Variants in ESR1 observed in about 807,000 individuals in gnomAD.
ESR1 encodes estrogen receptor.
ESR1 carries 12 observed loss-of-function variants against 52.7 expected under a neutral mutation model. That is an observed-to-expected ratio of 0.23 (90% CI 0.15 to 0.37). ESR1 has a LOEUF of 0.37. ESR1 is among the 10% of genes least tolerant of loss of function. The probability of loss-of-function intolerance (pLI) is 1.00; values close to 1 mark genes in which losing one functional copy is unlikely to be tolerated. For missense variants in ESR1, 584 were observed against 779.7 expected (o/e 0.75, Z 2.99); for synonymous variants, 305 against 316.8 (o/e 0.96, Z 0.39).
intron 1 of ESR1, among the ~76,000 whole-genome samples, chr6:151,699,754 G>A (rs776145077): frequency 2.6e-5 from 4 of 152,158 alleles, no homozygotes; most frequent in Non-Finnish European, 5.9e-5. Flanking sequence ...AGGATTTATG[G>A]TAGATTATAT....
chr6:151,776,794 C>T (rs563048220), intron 2 of ESR1, among the ~76,000 whole-genome samples: 6 of 150,728 alleles, frequency 4.0e-5, no homozygotes, highest in African/African-American at 1.2e-4. Flanking sequence ...GCCGAGATCA[C>T]GCCACTGCAC....
intron 2 of ESR1, among the ~76,000 whole-genome samples, chr6:151,717,413 A>G (rs1416070867): frequency 1.3e-5 from 2 of 152,242 alleles, no homozygotes; most frequent in African/African-American, 2.4e-5. Context: ...AGCAAAGCAT[A>G]GTTGGTTTAT....
rs35960345 is a variant in ESR1, at chr6:151,668,287, C to CT, written n.73+11533dup. Among the ~76,000 whole-genome samples the CT allele has an allele frequency of 3.0e-4, 45 of 149,994 alleles. 1 individual carries two copies. Among genetic ancestry groups the CT allele is most frequent in the Admixed American group, 6.0e-4 (9 of 15,118 alleles). ...AAAAGAGGAAAAACCCTTTTTTTTT[C>CT]TTTTTTTTTGAGATAGAGTCTCGCT... On this transcript the variant is annotated intron_variant and non_coding_transcript_variant, in intron 1 of 2. Coordinates refer to the ESR1 transcript ENST00000473497.
At chr6:151,741,866 A>C (rs1469457740) in intron 2 of ESR1, among the ~76,000 whole-genome samples, 1 of 152,214 alleles carries the variant, frequency 6.6e-6, no homozygotes, top group Non-Finnish European at 1.5e-5. Flanking sequence ...GTTGTAGATT[A>C]AATCTCTAGA....
chr6:151,710,969 G>A (rs762430820), intron 2 of ESR1, among the ~76,000 whole-genome samples: 58 of 152,146 alleles, frequency 3.8e-4, no homozygotes, highest in Non-Finnish European at 6.0e-4. Context: ...ATTTGGGTTG[G>A]TTCCAAGTCT....
intron 4 of ESR1, among the ~76,000 whole-genome samples, chr6:151,946,780 G>C (rs1399948431): frequency 2.0e-5 from 3 of 152,110 alleles, no homozygotes; most frequent in Non-Finnish European, 2.9e-5. Flanking sequence ...AATAAAAATA[G>C]TCATTGATTT....
intron 5 of ESR1, among the ~76,000 whole-genome samples, chr6:152,020,626 T>A (rs1039824292): frequency 6.6e-6 from 1 of 152,010 alleles, no homozygotes; most frequent in Non-Finnish European, 1.5e-5. Flanking sequence ...AATTTTTGCA[T>A]TTTTAGTAGA....
intron 2 of ESR1, among the ~76,000 whole-genome samples, chr6:151,848,826 C>T (rs568423030): frequency 6.6e-6 from 1 of 152,276 alleles, no homozygotes; most frequent in South Asian, 2.1e-4. Flanking sequence ...GAGTTTACAG[C>T]TCTCAGTGTA....
In ESR1 at chr6:152,099,980, G is replaced by A; in HGVS notation, c.*1014G>A. ...GGTGTTGCATTTAGCCCTGGGGCAT[G>A]GAGCTGAACAGTACTTGTGCAGGAT... On this transcript the variant is annotated 3_prime_UTR_variant, in exon 8 of 8. Coordinates refer to ENST00000206249, the MANE Select transcript of ESR1 (RefSeq NM_000125.4). 1 of 398,964 alleles carries A rather than the reference G, an allele frequency of 2.5e-6. No individual in the cohort carries two copies. Among genetic ancestry groups the A allele is most frequent in the Non-Finnish European group, 4.4e-6 (1 of 226,350 alleles). The allele number at this position is 398,964 out of a possible 1,614,324, so 24.7% of individuals were successfully genotyped here. A position where few individuals can be genotyped will look rare whatever the true frequency, so the allele number is the denominator to read the frequency against.
chr6:151,693,041 T>G (rs1779066065), intron 1 of ESR1, among the ~76,000 whole-genome samples: 1 of 152,190 alleles, frequency 6.6e-6, no homozygotes, highest in African/African-American at 2.4e-5. Context: ...GCTGTGCAAT[T>G]TAGAGGCAGA....
chr6:151,737,021 G>A (rs1782729374), intron 2 of ESR1, among the ~76,000 whole-genome samples: 1 of 152,122 alleles, frequency 6.6e-6, no homozygotes, highest in Non-Finnish European at 1.5e-5. Flanking sequence ...TTCTGAATTT[G>A]TATGTACATA....
chr6:151,942,695 TAAAAC>T (rs1265713685), intron 3 of ESR1, among the ~76,000 whole-genome samples: 1 of 145,816 alleles, frequency 6.9e-6, no homozygotes, highest in African/African-American at 2.5e-5. Context: ...CTTGACAAAT[TAAAAC>T]AAAATAAGAC....
intron 1 of ESR1, among the ~76,000 whole-genome samples, chr6:151,815,767 A>T (rs1396345872): frequency 1.3e-5 from 2 of 152,238 alleles, no homozygotes; most frequent in Non-Finnish European, 2.9e-5. Flanking sequence ...AGACGTGTGG[A>T]ATGGCAAAAA....
chr6:151,997,907 G>A (rs1009892515), intron 4 of ESR1, among the ~76,000 whole-genome samples: 2 of 152,144 alleles, frequency 1.3e-5, no homozygotes, highest in Non-Finnish European at 2.9e-5. Flanking sequence ...GCCACGGGGA[G>A]GGAAAGAGCG....
intron 1 of ESR1, among the ~76,000 whole-genome samples, chr6:151,699,425 T>G (rs1251765401): frequency 6.6e-6 from 1 of 152,194 alleles, no homozygotes; most frequent in East Asian, 1.9e-4. Context: ...TGGTTCTAAA[T>G]TTATTGCCAA....
At chr6:151,728,629 T>C (rs976946330) in intron 2 of ESR1, among the ~76,000 whole-genome samples, 3 of 152,200 alleles carry the variant, frequency 2.0e-5, no homozygotes, top group African/African-American at 7.2e-5. Context: ...TATACAACCA[T>C]TAAACCACTA....
chr6:151,706,475 C>G (rs902012342), intron 2 of ESR1, among the ~76,000 whole-genome samples: 7 of 152,154 alleles, frequency 4.6e-5, no homozygotes, highest in Non-Finnish European at 8.8e-5. Flanking sequence ...AAGCACAAGG[C>G]CATCCCAGGG....
intron 5 of ESR1, among the ~76,000 whole-genome samples, chr6:152,028,538 C>T (rs912450972): frequency 2.6e-4 from 39 of 152,178 alleles, no homozygotes; most frequent in African/African-American, 8.4e-4. Flanking sequence ...CACAGAGCCT[C>T]GCTCATTGCT....
At chr6:151,875,493 G>A (rs1467214761) in intron 2 of ESR1, among the ~76,000 whole-genome samples, 1 of 152,170 alleles carries the variant, frequency 6.6e-6, no homozygotes, top group Non-Finnish European at 1.5e-5. Flanking sequence ...GCTGGGCTCA[G>A]GATCAATAGC....
Sources: allele counts gnomAD v4.1 joint callset (sites outside exome capture counted in the v4.1 genomes callset), GRCh38; gene constraint gnomAD v4.1.1; transcripts MANE v1.5; gene names NCBI Gene and HGNC (gene_info 2026-07-23, HGNC 2026-07-21).